The following LRRCC1 variants were observed in gnomAD, a reference collection of about 807,000 sequenced individuals.
LRRCC1 encodes the protein leucine rich repeat and coiled-coil centrosomal protein 1.
A neutral mutation model predicts 126.0 loss-of-function variants in LRRCC1; 115 were observed. The ratio of observed to expected loss-of-function variants is 0.91; its 90% CI spans 0.78 to 1.07. LRRCC1 has a LOEUF of 1.07. Among genes scored for constraint, LRRCC1 ranks in the 50% least tolerant of loss-of-function variants. LRRCC1 has a pLI of 0.00. For missense variants in LRRCC1, 1,172 were observed against 1,175.7 expected (o/e 1.00, Z 0.05); for synonymous variants, 400 against 393.4 (o/e 1.02, Z -0.20).
At chr8:85,118,827 C>T (rs1372830062) in intron 6 of LRRCC1, among the ~76,000 whole-genome samples, 1 of 151,798 alleles carries the variant, frequency 6.6e-6, no homozygotes, top group Admixed American at 6.6e-5. Flanking sequence ...TATTCATTTC[C>T]TTACTGGTCT....
intron 3 of LRRCC1, among the ~76,000 whole-genome samples, chr8:85,110,387 A>C (rs1808613972): frequency 6.6e-6 from 1 of 152,226 alleles, no homozygotes; most frequent in Non-Finnish European, 1.5e-5. Context: ...AAACCAAGGT[A>C]ATCAGTAGCA....
At chr8:85,130,283 C>A (rs1810364733) in intron 11 of LRRCC1, among the ~76,000 whole-genome samples, 1 of 151,854 alleles carries the variant, frequency 6.6e-6, no homozygotes, top group Admixed American at 6.6e-5. Flanking sequence ...CTACAGGCGC[C>A]CGCCACCATG....
In LRRCC1 at chr8:85,112,984, T is replaced by G. The variant is rs1808841401; in HGVS notation, c.429T>G (p.His143Gln). ...ATAAACTTAGATATATTGATCTACATAGTAATCGTATAGATAGTATCCATC... is the reference window on the plus strand; with the variant it reads ...ATAAACTTAGATATATTGATCTACAGAGTAATCGTATAGATAGTATCCATC... ...IKHKLRYIDL[H>Q]SNRIDSIHHL... is the part of the protein sequence containing the mutation. The change falls in exon 4 of 19, where the codon CAT (histidine) becomes CAG (glutamine). Residue 143 changes from histidine (H) to glutamine (Q), a missense_variant. Coordinates refer to ENST00000360375, the MANE Select transcript of LRRCC1 (RefSeq NM_033402.5). The G allele has an allele frequency of 6.2e-7, 1 of 1,600,660 alleles. No homozygotes were observed.
chr8:85,143,877 A>G (rs371943883), intron 18 of LRRCC1, among the ~76,000 whole-genome samples: 9 of 152,318 alleles, frequency 5.9e-5, no homozygotes, highest in East Asian at 1.9e-4. Context: ...GTTTGCAGGC[A>G]GGGGATTATG....
chr8:85,140,054 A>T (rs776821719), intron 17 of LRRCC1, among the ~76,000 whole-genome samples: 3 of 152,174 alleles, frequency 2.0e-5, no homozygotes, highest in Non-Finnish European at 4.4e-5. Flanking sequence ...AGTCTTTGAG[A>T]TTCTAAAAGA....
chr8:85,126,635 G>A, intron 8 of LRRCC1, 54 bp from the exon 9 acceptor site: 3 of 1,494,064 alleles, frequency 2.0e-6, no homozygotes, highest in Middle Eastern at 1.7e-4. Context: ...AATTGAGGCT[G>A]TGAGAAGTTA....
At chr8:85,137,881 A>G (rs1810981799) in intron 15 of LRRCC1, among the ~76,000 whole-genome samples, 154 bp from the exon 16 acceptor site, 1 of 152,212 alleles carries the variant, frequency 6.6e-6, no homozygotes, top group Non-Finnish European at 1.5e-5. Flanking sequence ...AACTGGAAAT[A>G]CCCAATGTCA....
chr8:85,113,737 T>C (rs1808900017), intron 4 of LRRCC1, among the ~76,000 whole-genome samples: 1 of 152,154 alleles, frequency 6.6e-6, no homozygotes, highest in Non-Finnish European at 1.5e-5. Context: ...ATTTATTACA[T>C]TATTAATAAA....
intron 6 of LRRCC1, among the ~76,000 whole-genome samples, chr8:85,116,791 T>C (rs1809159491): frequency 1.3e-5 from 2 of 152,236 alleles, no homozygotes; most frequent in South Asian, 2.1e-4. Flanking sequence ...CTATTATTTA[T>C]ATAACATAAT....
intron 6 of LRRCC1, among the ~76,000 whole-genome samples, chr8:85,119,885 A>G (rs571006434): frequency 5.3e-5 from 8 of 152,134 alleles, no homozygotes; most frequent in Non-Finnish European, 1.2e-4. Flanking sequence ...TCCTCTGAGC[A>G]CTGCTTTAGC....
intron 6 of LRRCC1, among the ~76,000 whole-genome samples, chr8:85,119,556 A>G (rs1429044459): frequency 6.6e-6 from 1 of 151,064 alleles, no homozygotes; most frequent in African/African-American, 2.4e-5. Flanking sequence ...CAGTGGCCTA[A>G]TATCAGCTCA....
At chr8:85,124,590 C>CT (rs1163974756) in intron 7 of LRRCC1, among the ~76,000 whole-genome samples, 3 of 152,164 alleles carry the variant, frequency 2.0e-5, no homozygotes, top group African/African-American at 7.2e-5. Context: ...AAATCATTAT[C>CT]TTTTTTAAAA....
At position 85,123,461 on chromosome 8, in the gene LRRCC1, A is replaced by G. The variant is rs1308485727; in HGVS notation, c.979A>G (p.Arg327Gly). 1.6e-5 allele frequency: 25 copies of G among 1,606,832 alleles called. No individual in the cohort carries two copies. The highest frequency in any genetic ancestry group is 2.0e-5 in the Non-Finnish European group (24 of 1,178,178). The change falls in exon 7 of 19, where the codon AGA (arginine) becomes GGA (glycine). Residue 327 changes from arginine (R) to glycine (G), a missense_variant. By Grantham distance (125) the Arg-to-Gly change is moderately radical (BLOSUM62 -2). Coordinates refer to ENST00000360375, the MANE Select transcript of LRRCC1 (RefSeq NM_033402.5). ...TCTTGAGAAAGACCCCAGACCAAAA[A>G]GAGACACAGATATAACTTCTGAAAG... ...NVLEKDPRPKRDTDITSESDY... is the reference protein window; with the variant it reads ...NVLEKDPRPKGDTDITSESDY...
chr8:85,114,134 G>A (rs1008404728), intron 4 of LRRCC1, among the ~76,000 whole-genome samples: 1 of 151,988 alleles, frequency 6.6e-6, no homozygotes, highest in East Asian at 1.9e-4. Flanking sequence ...AATCAGGACA[G>A]ATTTGAAAGT....
chr8:85,130,861 C>T (rs551848379), intron 11 of LRRCC1, among the ~76,000 whole-genome samples: 129 of 152,278 alleles, frequency 8.5e-4, no homozygotes, highest in African/African-American at 2.7e-3. Flanking sequence ...CATAAATGAA[C>T]GGCATGGCTG....
intron 3 of LRRCC1, among the ~76,000 whole-genome samples, chr8:85,111,994 G>C (rs1001585690): frequency 2.6e-5 from 4 of 151,800 alleles, no homozygotes; most frequent in African/African-American, 9.7e-5. Flanking sequence ...CTGAGTAGCT[G>C]GGACTACAGG....
chr8:85,110,113 A>G lies in LRRCC1; in HGVS notation c.311-2A>G. ...TTATTTTATTTTACTTTTTTTTTTT[A>G]GGACTTGAAGAACTAATTAATCTGA... is the stretch of plus-strand genomic sequence containing the variant. On this transcript the variant is annotated splice_acceptor_variant, in intron 2 of 18. Transcript: ENST00000360375. LOFTEE classifies it high-confidence loss of function. The G allele has an allele frequency of 9.0e-7, 1 of 1,110,378 alleles. No homozygotes were observed. The highest frequency in any genetic ancestry group is 1.3e-6 in the Non-Finnish European group (1 of 773,978). 68.8% of individuals were successfully genotyped at this position (1,110,378 alleles called of 1,614,324 possible). A position where few individuals can be genotyped will look rare whatever the true frequency, so the allele number is the denominator to read the frequency against.
chr8:85,142,162 T>C (rs560169339), intron 18 of LRRCC1, among the ~76,000 whole-genome samples: 40 of 151,896 alleles, frequency 2.6e-4, no homozygotes, highest in Non-Finnish European at 2.9e-5. Flanking sequence ...GGCGTGGTGG[T>C]GAGCACCTGT....
intron 18 of LRRCC1, among the ~76,000 whole-genome samples, chr8:85,145,117 G>GTGTATATATA (rs1554679351): frequency 9.9e-4 from 142 of 143,370 alleles, no homozygotes; most frequent in African/African-American, 3.1e-3. Context: ...ATATATGTGT[G>GTGTATATATA]TATATATATA....
Sources: gnomAD v4.1 joint callset for allele counts (sites outside exome capture counted in the v4.1 genomes callset) on GRCh38, gnomAD v4.1.1 for gene constraint, MANE v1.5 for transcripts, NCBI Gene and HGNC (gene_info 2026-07-23, HGNC 2026-07-21) for gene names.